The following PICALM variants were observed in gnomAD, a reference collection of about 807,000 sequenced individuals.
PICALM encodes phosphatidylinositol-binding clathrin assembly protein.
A neutral mutation model predicts 80.5 loss-of-function variants in PICALM; 40 were observed. That is an observed-to-expected ratio of 0.50 (90% CI 0.39 to 0.65). PICALM has a LOEUF of 0.65. Ranked by LOEUF, PICALM falls within the 30% of genes least tolerant of loss-of-function variation. The pLI, the probability that PICALM is intolerant of heterozygous loss-of-function variation, is 0.00. For missense variants in PICALM, 676 were observed against 778.9 expected (o/e 0.87, Z 1.57); for synonymous variants, 288 against 260.3 (o/e 1.11, Z -1.02).
intron 11 of PICALM, among the ~76,000 whole-genome samples, chr11:85,997,863 ACCT>A (rs2095024963): frequency 2.0e-5 from 3 of 150,568 alleles, no homozygotes; most frequent in Admixed American, 2.0e-4. Context: ...GCTCAATGCA[ACCT>A]CCACCTCCTG....
intron 8 of PICALM, chr11:86,003,743 T>C (rs2095210642): frequency 4.7e-6 from 1 of 213,316 alleles, no homozygotes; most frequent in Admixed American, 5.6e-5. Flanking sequence ...AGTAAAACCA[T>C]ACTCCTAAAA....
intron 3 of PICALM, among the ~76,000 whole-genome samples, chr11:86,023,934 G>A (rs2095607121): frequency 6.6e-6 from 1 of 152,076 alleles, no homozygotes; most frequent in African/African-American, 2.4e-5. Context: ...GACCAACCTG[G>A]TCAACAGAGC....
chr11:86,046,067 A>G (rs1157134141), intron 1 of PICALM, among the ~76,000 whole-genome samples: 2 of 152,328 alleles, frequency 1.3e-5, no homozygotes, highest in South Asian at 2.1e-4. Flanking sequence ...ATATTTCATT[A>G]AAGTTAATTT....
intron 4 of PICALM, among the ~76,000 whole-genome samples, chr11:86,018,563 T>G (rs2136423412): frequency 6.6e-6 from 1 of 152,258 alleles, no homozygotes; most frequent in South Asian, 2.1e-4. Context: ...GATGTACACC[T>G]GCAACATAAT....
chr11:86,062,127 G>GA (rs1430098785), intron 1 of PICALM, among the ~76,000 whole-genome samples: 1 of 152,170 alleles, frequency 6.6e-6, no homozygotes, highest in African/African-American at 2.4e-5. Context: ...TGGCGAGGGG[G>GA]AGCACAGAGT....
chr11:85,966,921 C>G (rs191522199), intron 19 of PICALM, among the ~76,000 whole-genome samples: 2 of 152,266 alleles, frequency 1.3e-5, no homozygotes, highest in East Asian at 3.9e-4. Context: ...ATGGCTCTGC[C>G]GATACCCTGA....
intron 19 of PICALM, among the ~76,000 whole-genome samples, chr11:85,970,185 T>C (rs887182921): frequency 5.3e-5 from 8 of 152,156 alleles, no homozygotes; most frequent in Non-Finnish European, 1.2e-4. Context: ...AAGCCCTTGC[T>C]AGACTGGATG....
At chr11:86,033,430 T>C (rs2095793840) in intron 1 of PICALM, among the ~76,000 whole-genome samples, 1 of 152,186 alleles carries the variant, frequency 6.6e-6, no homozygotes, top group African/African-American at 2.4e-5. Context: ...AGCACTCTTA[T>C]CTCAGGTGTT....
Position 86,038,980 on chromosome 11 carries a change from A to G in PICALM, c.131-7369T>C, listed in dbSNP as rs112827392. The stretch of plus-strand genomic sequence containing the variant: ...CAAAAATTAGCTGGACGTGGTGACA[A>G]CACGACTGTAATCCCAACTACTTGG... On this transcript the variant is annotated intron_variant, in intron 1 of 19. Transcript: ENST00000393346. Among the ~76,000 whole-genome samples, 488 of 151,972 alleles carry G rather than the reference A, an allele frequency of 3.2e-3. 2 individuals carry two copies. Among genetic ancestry groups the G allele is most frequent in the African/African-American group, 0.011 (471 of 41,436 alleles).
At chr11:86,051,325 C>G (rs2096182552) in intron 1 of PICALM, among the ~76,000 whole-genome samples, 1 of 152,118 alleles carries the variant, frequency 6.6e-6, no homozygotes, top group Non-Finnish European at 1.5e-5. Flanking sequence ...AGGGTCAGTA[C>G]CCTACATTCC....
intron 19 of PICALM, among the ~76,000 whole-genome samples, chr11:85,968,061 C>CAGTG (rs1305181778): frequency 1.3e-5 from 2 of 152,210 alleles, no homozygotes; most frequent in African/African-American, 4.8e-5. Flanking sequence ...TGGCCAGGAG[C>CAGTG]AGTGGCTCAT....
At chr11:86,050,851 TTTATTG>T (rs1377414121) in intron 1 of PICALM, among the ~76,000 whole-genome samples, 10 of 152,140 alleles carry the variant, frequency 6.6e-5, no homozygotes, top group Non-Finnish European at 1.0e-4. Flanking sequence ...AAAAAAATTA[TTTATTG>T]TTATTATTTT....
chr11:86,068,922 G>T lies in PICALM; in HGVS notation c.-142C>A. On this transcript the variant is annotated 5_prime_UTR_variant, in exon 1 of 20. Coordinates refer to ENST00000393346, the MANE Select transcript of PICALM (RefSeq NM_007166.4). ...CCTGCCGGCCTGGGGCGCGGTTCGG[G>T]GCCGCGCGCTGCCACCAGTCCAGAG... 2.6e-6 allele frequency: 3 copies of T among 1,173,382 alleles called. No individual in the cohort carries two copies. Among genetic ancestry groups the T allele is most frequent in the South Asian group, 3.2e-5 (2 of 62,314 alleles). 72.7% of individuals were successfully genotyped at this position (1,173,382 alleles called of 1,614,324 possible).
chr11:86,040,003 CAAAAAAAAAAA>C (rs752086947), intron 1 of PICALM, among the ~76,000 whole-genome samples: 1 of 53,384 alleles, frequency 1.9e-5, no homozygotes, highest in African/African-American at 7.9e-5. Flanking sequence ...GACGCCGTCT[CAAAAAAAAAAA>C]AAAAAAAAAA....
chr11:86,016,901 C>A (rs1435344068), intron 4 of PICALM, among the ~76,000 whole-genome samples: 4 of 152,166 alleles, frequency 2.6e-5, no homozygotes, highest in South Asian at 2.1e-4. Context: ...GGTCTTCTTG[C>A]CACCCAAACT....
chr11:86,064,759 A>G (rs1018796756), intron 1 of PICALM, among the ~76,000 whole-genome samples: 1 of 152,078 alleles, frequency 6.6e-6, no homozygotes, highest in African/African-American at 2.4e-5. Flanking sequence ...AGAATAAAGA[A>G]AATTAAGAAT....
At chr11:86,000,549 C>A (rs895042061) in intron 11 of PICALM, 94 bp downstream of exon 11, 21 of 926,528 alleles carry the variant, frequency 2.3e-5, no homozygotes, top group Non-Finnish European at 3.1e-5. Context: ...ATTATAAAAG[C>A]ATAAATAAAA....
intron 19 of PICALM, among the ~76,000 whole-genome samples, chr11:85,968,539 A>G (rs570327639): frequency 1.3e-5 from 2 of 152,374 alleles, no homozygotes; most frequent in African/African-American, 2.4e-5. Flanking sequence ...GTTATTTCAT[A>G]TCACAATGAC....
chr11:85,978,369 C>T (rs1011390382), intron 17 of PICALM: 1 of 238,576 alleles, frequency 4.2e-6, no homozygotes, highest in Non-Finnish European at 8.2e-6. Flanking sequence ...TCAACAGTGT[C>T]AACAGTGCAA....
Sources: gnomAD v4.1 joint callset for allele counts (sites outside exome capture counted in the v4.1 genomes callset) on GRCh38, gnomAD v4.1.1 for gene constraint, MANE v1.5 for transcripts, NCBI Gene and HGNC (gene_info 2026-07-23, HGNC 2026-07-21) for gene names.